The following TSG101 variants were observed in gnomAD, a reference collection of about 807,000 sequenced individuals.
The protein encoded by TSG101 is tumor susceptibility gene 101 protein.
Under a neutral mutation model 48.5 loss-of-function variants are expected in TSG101, and 19 were observed. That is an observed-to-expected ratio of 0.39 (90% confidence interval 0.27 to 0.58). The LOEUF (loss-of-function observed/expected upper bound fraction) is 0.58. TSG101 is among the 20% of genes least tolerant of loss of function. The pLI is 0.55. For missense variants in TSG101, 365 were observed against 484.4 expected (o/e 0.75, Z 2.31); for synonymous variants, 174 against 169.4 (o/e 1.03, Z -0.21).
chr11:18,481,462 T>G, intron 9 of TSG101, 168 bp downstream of exon 9: 1 of 1,418,692 alleles, frequency 7.0e-7, no homozygotes, highest in Non-Finnish European at 9.2e-7. Flanking sequence ...TCCTCAGTAC[T>G]CTGTAGGTAA....
At chr11:18,500,742 C>T (rs2133917286) in intron 7 of TSG101, among the ~76,000 whole-genome samples, 1 of 151,718 alleles carries the variant, frequency 6.6e-6, no homozygotes, top group Middle Eastern at 3.4e-3. Context: ...GGGTACTTTG[C>T]AAATATTTTC....
Position 18,483,809 on chromosome 11 carries a change from G to A in TSG101, c.843+61C>T. On this transcript the variant is annotated intron_variant, in intron 8 of 9. Transcript: ENST00000251968. ...GCCCACAACATCCAGGGAACATATA[G>A]AACACTCTGCCATGGCTACAATTCA... The A allele has an allele frequency of 1.9e-6, 3 of 1,568,764 alleles. No individual in the cohort carries two copies. The South Asian group carries it at 3.3e-5, about 17-fold the overall frequency.
intron 1 of TSG101, among the ~76,000 whole-genome samples, chr11:18,522,019 A>G (rs889562649): frequency 8.5e-5 from 13 of 152,108 alleles, no homozygotes; most frequent in Non-Finnish European, 4.4e-5. Context: ...TTTCCAGGAC[A>G]TCAACTGTTC....
chr11:18,491,280 T>C (rs1590272931), intron 7 of TSG101, among the ~76,000 whole-genome samples: 2 of 151,642 alleles, frequency 1.3e-5, no homozygotes, highest in African/African-American at 4.9e-5. Context: ...CCAGACAGTC[T>C]AACAGTGTGA....
In TSG101 at chr11:18,519,556, A is replaced by G. The variant is rs1157652802; in HGVS notation, c.90T>C (p.Thr30=). ...AAACAGGTTTGAGATCTTTGTATAGAGTAATAACATTGACAGTTTCACGTA... is the reference window on the plus strand; with the variant it reads ...AAACAGGTTTGAGATCTTTGTATAGGGTAATAACATTGACAGTTTCACGTA... The part of the protein sequence containing the change: ...LTVRETVNVI[T]LYKDLKPVLD... Residue 30 remains threonine, a synonymous_variant, in exon 2 of 10, where the codon ACT becomes ACC. Coordinates refer to ENST00000251968, the MANE Select transcript of TSG101 (RefSeq NM_006292.4). 21 of 1,612,960 alleles carry G rather than the reference A, an allele frequency of 1.3e-5. No homozygotes were observed. The Middle Eastern group carries it at 1.5e-3, about 116-fold the overall frequency.
chr11:18,482,698 T>C (rs1407888581), intron 8 of TSG101, among the ~76,000 whole-genome samples: 1 of 152,234 alleles, frequency 6.6e-6, no homozygotes, highest in Non-Finnish European at 1.5e-5. Context: ...TATGTTTATA[T>C]GTAGCTCTTT....
intron 9 of TSG101, chr11:18,481,333 G>A: frequency 1.0e-6 from 1 of 985,378 alleles, no homozygotes; most frequent in East Asian, 1.1e-4. Context: ...AAGAACCAAT[G>A]GAAATCTGAT....
At chr11:18,497,324 TAA>T (rs2133913675) in intron 7 of TSG101, among the ~76,000 whole-genome samples, 1 of 152,204 alleles carries the variant, frequency 6.6e-6, no homozygotes, top group Non-Finnish European at 1.5e-5. Flanking sequence ...ATCAAGTAGG[TAA>T]AGATCAAAGG....
chr11:18,487,534 A>C (rs748343434), intron 7 of TSG101, among the ~76,000 whole-genome samples: 2 of 152,134 alleles, frequency 1.3e-5, no homozygotes, highest in Non-Finnish European at 2.9e-5. Context: ...GTAACCATTA[A>C]AATTTTTTTT....
chr11:18,493,314 G>C (rs1209025617), intron 7 of TSG101, among the ~76,000 whole-genome samples: 1 of 152,130 alleles, frequency 6.6e-6, no homozygotes, highest in African/African-American at 2.4e-5. Flanking sequence ...AATAATTTAT[G>C]CAAGTATATT....
At chr11:18,504,315 T>C (rs1032257434) in intron 6 of TSG101, among the ~76,000 whole-genome samples, 4 of 152,180 alleles carry the variant, frequency 2.6e-5, no homozygotes, top group African/African-American at 7.2e-5. Context: ...CTATTTGTAT[T>C]ATCAGCTTCC....
intron 7 of TSG101, among the ~76,000 whole-genome samples, chr11:18,495,828 G>A (rs149694224): frequency 6.6e-6 from 1 of 152,038 alleles, no homozygotes; most frequent in Non-Finnish European, 1.5e-5. Flanking sequence ...CAAGGCTGAG[G>A]CAGGAGAATG....
rs1229188041 is a variant in TSG101, at chr11:18,499,381, A to AATATATAT, written c.640+3097_640+3104dup. On this transcript the variant is annotated intron_variant, in intron 7 of 9. Transcript: ENST00000251968. Reference sequence around the variant, plus strand: ...TTATATATAAATATGTTTATATTTAAATATATATATATATATATATATTTT... The same window carrying AATATATAT: ...TTATATATAAATATGTTTATATTTAAATATATATATATATATATATATATATATATTTT... Among the ~76,000 whole-genome samples, 35 of 12,290 alleles carry AATATATAT rather than the reference A, an allele frequency of 2.8e-3. 2 individuals are homozygous for AATATATAT. Among genetic ancestry groups the AATATATAT allele is most frequent in the African/African-American group, 4.4e-3 (17 of 3,832 alleles). 8.1% of individuals were successfully genotyped at this position (12,290 alleles called of 152,430 possible).
chr11:18,490,142 C>A, intron 7 of TSG101: 1 of 193,742 alleles, frequency 5.2e-6, no homozygotes, highest in Middle Eastern at 2.3e-3. Context: ...GTGAAAAATC[C>A]AAAGTCAACA....
rs930208686 is a variant in TSG101, at chr11:18,499,693, G to C, written c.640+2793C>G. 4.0e-5 allele frequency among the ~76,000 whole-genome samples: 6 copies of C among 151,656 alleles called. No homozygotes were observed. The East Asian group carries it at 1.2e-3, about 30-fold the overall frequency. ...CCCAAAGTGCTGGGATTACAGGTGT[G>C]AGCCACTGTGCCTGGCCTAAAAAAT... On this transcript the variant is annotated intron_variant, in intron 7 of 9. Coordinates refer to ENST00000251968, the MANE Select transcript of TSG101 (RefSeq NM_006292.4).
In TSG101 at chr11:18,506,446, G is replaced by A. The variant is rs531117344; in HGVS notation, c.548+411C>T. 1.3e-4 allele frequency among the ~76,000 whole-genome samples: 20 copies of A among 151,528 alleles called. No individual in the cohort carries two copies. The South Asian group carries it at 3.8e-3, about 28-fold the overall frequency. On this transcript the variant is annotated intron_variant, in intron 6 of 9. Transcript: ENST00000251968. Reference sequence around the variant, plus strand: ...GGTGGCTCACACCTGTAATCCCAGCGCTTTGGGAGTCTGAGGCAGGCAGAT... The same window carrying A: ...GGTGGCTCACACCTGTAATCCCAGCACTTTGGGAGTCTGAGGCAGGCAGAT...
rs182919767 is a variant in TSG101 at position 18,519,632 on chromosome 11, G to A, written c.43-29C>T. On this transcript the variant is annotated intron_variant, in intron 1 of 9. Coordinates refer to ENST00000251968, the MANE Select transcript of TSG101 (RefSeq NM_006292.4). Reference sequence around the variant, plus strand: ...AAAAGCAAAATCGCATAAGAATTTAGTTTAAAACCAATGCATATATTTTAC... The same window carrying A: ...AAAAGCAAAATCGCATAAGAATTTAATTTAAAACCAATGCATATATTTTAC... 95 of 1,524,764 alleles carry A rather than the reference G, an allele frequency of 6.2e-5. No individual in the cohort carries two copies. In the East Asian group the frequency reaches 1.3e-3, roughly 21 times the overall value. 94.5% of individuals were successfully genotyped at this position (1,524,764 alleles called of 1,614,324 possible).
intron 7 of TSG101, among the ~76,000 whole-genome samples, chr11:18,498,455 G>C (rs777733628): frequency 1.3e-5 from 2 of 152,166 alleles, no homozygotes; most frequent in African/African-American, 2.4e-5. Flanking sequence ...ACTTGGATCA[G>C]CACTGGATAT....
intron 7 of TSG101, among the ~76,000 whole-genome samples, chr11:18,491,896 G>A (rs913178372): frequency 2.0e-5 from 3 of 152,196 alleles, no homozygotes; most frequent in East Asian, 1.9e-4. Context: ...ATTAAAATAC[G>A]TCAGAGAGTG....
Sources: allele counts gnomAD v4.1 joint callset (sites outside exome capture counted in the v4.1 genomes callset), GRCh38; gene constraint gnomAD v4.1.1; transcripts MANE v1.5; gene names NCBI Gene and HGNC (gene_info 2026-07-23, HGNC 2026-07-21).